The following KCNMA1 variants were observed in gnomAD, a reference collection of about 807,000 sequenced individuals.
The protein encoded by KCNMA1 is Calcium-activated potassium channel subunit alpha-1.
Under a neutral mutation model 140.0 loss-of-function variants are expected in KCNMA1, and 29 were observed. The observed-to-expected ratio is 0.21, with a 90% CI of 0.15 to 0.28. The LOEUF is 0.28. Among genes scored for constraint, KCNMA1 ranks in the 10% least tolerant of loss-of-function variants. The pLI is 1.00. For synonymous variants in KCNMA1, 612 were observed against 611.9 expected (o/e 1.00, Z 0.00); for missense variants, 880 against 1,602.2 (o/e 0.55, Z 7.70).
chr10:77,076,275 T>TA (rs895252695), intron 13 of KCNMA1, among the ~76,000 whole-genome samples: 3 of 151,976 alleles, frequency 2.0e-5, no homozygotes, highest in Admixed American at 6.6e-5. Context: ...TTGGGAAAAA[T>TA]AAAAAATCCA....
In KCNMA1 at chr10:76,886,537, C is replaced by T. The variant is rs901648312; in HGVS notation, c.*729G>A. 1 of 985,172 alleles carries T rather than the reference C, an allele frequency of 1.0e-6. No homozygotes were observed. The highest frequency in any genetic ancestry group is 1.2e-6 in the Non-Finnish European group (1 of 829,870). The allele number at this position is 985,172 out of a possible 1,614,324, so 61.0% of individuals were successfully genotyped here. A position where few individuals can be genotyped will look rare whatever the true frequency, so the allele number is the denominator to read the frequency against. On this transcript the variant is annotated 3_prime_UTR_variant, in exon 28 of 28. Transcript: ENST00000286628. Reference sequence around the variant, plus strand: ...TAAACTAAATGACTAGAATTTGATACATCCATGATTGGAATACTATTCTCT... The same window carrying T: ...TAAACTAAATGACTAGAATTTGATATATCCATGATTGGAATACTATTCTCT...
intron 1 of KCNMA1, among the ~76,000 whole-genome samples, chr10:77,505,440 C>T (rs1015418022): frequency 2.0e-5 from 3 of 152,216 alleles, no homozygotes; most frequent in African/African-American, 7.2e-5. Context: ...AAAACCCTAA[C>T]AGAAGATACA....
intron 2 of KCNMA1, among the ~76,000 whole-genome samples, chr10:77,382,980 GTGTGTGTGTGTGTGTATA>G (rs1361143406): frequency 2.7e-5 from 2 of 73,002 alleles, no homozygotes; most frequent in South Asian, 6.2e-4. Context: ...GTGTGTGTGT[GTGTGTGTGTGTGTGTATA>G]TATATATATA....
At chr10:77,179,726 C>T (rs1234387261) in intron 5 of KCNMA1, among the ~76,000 whole-genome samples, 1 of 152,170 alleles carries the variant, frequency 6.6e-6, no homozygotes, top group African/African-American at 2.4e-5. Flanking sequence ...CCACCACTCC[C>T]AGGAGATGTG....
At chr10:76,984,927 G>A (rs1592786661) in intron 19 of KCNMA1, among the ~76,000 whole-genome samples, 1 of 152,174 alleles carries the variant, frequency 6.6e-6, no homozygotes, top group African/African-American at 2.4e-5. Context: ...ATCTGCAAGA[G>A]AAAAGGCAGA....
intron 3 of KCNMA1, among the ~76,000 whole-genome samples, chr10:77,204,086 A>T (rs1476097041): frequency 6.7e-6 from 1 of 149,358 alleles, no homozygotes; most frequent in Non-Finnish European, 1.5e-5. Flanking sequence ...ACACAGTGAG[A>T]CTCCCTCTCA....
At chr10:77,138,868 G>A (rs900541729) in intron 5 of KCNMA1, among the ~76,000 whole-genome samples, 2 of 152,158 alleles carry the variant, frequency 1.3e-5, no homozygotes, top group South Asian at 2.1e-4. Flanking sequence ...TCATTGCAAG[G>A]TTGGCTAATG....
intron 23 of KCNMA1, among the ~76,000 whole-genome samples, chr10:76,941,653 G>T: frequency 6.6e-6 from 1 of 152,216 alleles, no homozygotes; most frequent in East Asian, 1.9e-4. Context: ...CAGACTGCTG[G>T]CTAGTGAGAG....
chr10:77,531,556 A>G (rs1016511761), intron 1 of KCNMA1, among the ~76,000 whole-genome samples: 1 of 152,202 alleles, frequency 6.6e-6, no homozygotes, highest in African/African-American at 2.4e-5. Context: ...GCAAATGCAC[A>G]GCTTAGTCAC....
intron 14 of KCNMA1, among the ~76,000 whole-genome samples, chr10:77,057,222 G>C (rs1247776): frequency 0.043 from 6,479 of 152,204 alleles, 461 homozygotes; most frequent in East Asian, 0.24. Flanking sequence ...CAATTCAAAT[G>C]ACTATGGATT....
chr10:77,517,752 C>T (rs926443579), intron 1 of KCNMA1, among the ~76,000 whole-genome samples: 5 of 152,164 alleles, frequency 3.3e-5, no homozygotes, highest in African/African-American at 9.7e-5. Context: ...CCCCATTCAA[C>T]AAGGAGGTAT....
chr10:77,618,313 C>T (rs1236009715), intron 1 of KCNMA1, among the ~76,000 whole-genome samples: 1 of 152,188 alleles, frequency 6.6e-6, no homozygotes, highest in Non-Finnish European at 1.5e-5. Context: ...CAGAGGTGGC[C>T]TAGCTGACTA....
intron 1 of KCNMA1, among the ~76,000 whole-genome samples, chr10:77,406,493 A>G (rs1341947082): frequency 1.3e-5 from 2 of 152,170 alleles, no homozygotes; most frequent in Admixed American, 6.5e-5. Context: ...AGCACACCAG[A>G]GGGCTTGTTG....
At chr10:77,605,007 G>A (rs906506325) in intron 1 of KCNMA1, among the ~76,000 whole-genome samples, 4 of 152,160 alleles carry the variant, frequency 2.6e-5, no homozygotes, top group Non-Finnish European at 5.9e-5. Context: ...AAAACACAGG[G>A]TCACCTATAA....
intron 23 of KCNMA1, among the ~76,000 whole-genome samples, chr10:76,936,772 T>C (rs1301213808): frequency 6.6e-6 from 1 of 151,984 alleles, no homozygotes; most frequent in Non-Finnish European, 1.5e-5. Flanking sequence ...GGAAGGGTGG[T>C]GTGGAAGTTG....
chr10:77,403,017 C>T (rs934386557), intron 2 of KCNMA1, among the ~76,000 whole-genome samples: 1 of 152,172 alleles, frequency 6.6e-6, no homozygotes, highest in African/African-American at 2.4e-5. Flanking sequence ...CCAATTCATC[C>T]CTGTTTGCCC....
chr10:77,637,189 C>T (rs112948235), intron 1 of KCNMA1, 76 bp downstream of exon 1: 234 of 1,377,648 alleles, frequency 1.7e-4, no homozygotes, highest in Non-Finnish European at 2.3e-4. Flanking sequence ...CGGCGCGGAG[C>T]GAGGAGGTGG....
intron 7 of KCNMA1, among the ~76,000 whole-genome samples, chr10:77,111,966 G>T (rs566674500): frequency 6.6e-6 from 1 of 152,296 alleles, no homozygotes; most frequent in East Asian, 1.9e-4. Context: ...GAAGTGGAAA[G>T]AAATTGAGGG....
chr10:77,455,409 C>G (rs1216405901), intron 1 of KCNMA1, among the ~76,000 whole-genome samples: 1 of 152,152 alleles, frequency 6.6e-6, no homozygotes, highest in African/African-American at 2.4e-5. Context: ...TGGGACTGTA[C>G]CCTGCCCTCC....
Sources: gnomAD v4.1 joint callset for allele counts (sites outside exome capture counted in the v4.1 genomes callset) on GRCh38, gnomAD v4.1.1 for gene constraint, MANE v1.5 for transcripts, NCBI Gene and HGNC (gene_info 2026-07-23, HGNC 2026-07-21) for gene names.